DSE: variants seen among roughly 807,000 people sequenced by gnomAD.
DSE encodes the protein dermatan sulfate epimerase.
A neutral mutation model predicts 84.4 loss-of-function variants in DSE; 36 were observed. That is an observed-to-expected ratio of 0.43 (90% CI 0.33 to 0.56). The LOEUF (loss-of-function observed/expected upper bound fraction) is 0.56, where lower values mean the gene tolerates loss of function less well. Ranked by LOEUF, DSE falls within the 20% of genes least tolerant of loss-of-function variation. The pLI is 0.06. For synonymous variants in DSE, 410 were observed against 430.1 expected, an observed-to-expected ratio of 0.95 and a Z score of 0.58; for missense variants, 862 against 1,169.6, an observed-to-expected ratio of 0.74 and a Z score of 3.84.
intron 1 of DSE, among the ~76,000 whole-genome samples, chr6:116,398,186 G>A (rs1781374499): frequency 6.6e-6 from 1 of 152,156 alleles, no homozygotes; most frequent in African/African-American, 2.4e-5. Flanking sequence ...ACTTTCCTCT[G>A]AGGGATTTTC....
intron 2 of DSE, chr6:116,355,957 A>G (rs922657973): frequency 6.6e-6 from 1 of 152,350 alleles, no homozygotes; most frequent in Middle Eastern, 3.4e-3. Flanking sequence ...CACATACTAG[A>G]CAAAACATAG....
chr6:116,305,870 G>A (rs1045342217), intron 2 of DSE, among the ~76,000 whole-genome samples: 3 of 152,132 alleles, frequency 2.0e-5, no homozygotes, highest in Non-Finnish European at 2.9e-5. Flanking sequence ...TTGAACTCCT[G>A]ACCTCAGGTG....
intron 2 of DSE, among the ~76,000 whole-genome samples, chr6:116,331,998 A>G (rs1371658162): frequency 1.3e-5 from 2 of 150,374 alleles, no homozygotes; most frequent in African/African-American, 5.0e-5. Flanking sequence ...TGCTAAGACT[A>G]TATATATAAA....
At chr6:116,330,557 A>G (rs1776876860) in intron 2 of DSE, among the ~76,000 whole-genome samples, 1 of 152,232 alleles carries the variant, frequency 6.6e-6, no homozygotes, top group African/African-American at 2.4e-5. Context: ...CGATTTTGGT[A>G]ATAACTATTT....
intron 2 of DSE, among the ~76,000 whole-genome samples, chr6:116,403,462 G>A (rs867787561): frequency 6.6e-6 from 1 of 151,218 alleles, no homozygotes; most frequent in Non-Finnish European, 1.5e-5. Flanking sequence ...AAAAATATCA[G>A]CAATAAAGTT....
intron 1 of DSE, 74 bp downstream of exon 1, chr6:116,371,195 C>G: frequency 1.0e-6 from 1 of 985,312 alleles, no homozygotes; most frequent in Non-Finnish European, 1.2e-6. Flanking sequence ...GGGCGGGTAG[C>G]CTTCGGGGCT....
chr6:116,342,281 G>A (rs199972104), intron 2 of DSE, among the ~76,000 whole-genome samples: 3 of 133,662 alleles, frequency 2.2e-5, no homozygotes, highest in Non-Finnish European at 3.1e-5. Flanking sequence ...TATTGTTGCT[G>A]TTTTTTTTTT....
chr6:116,399,657 A>G lies in DSE; in HGVS notation c.407A>G (p.Gln136Arg). 1 of 1,611,906 alleles carries G rather than the reference A, an allele frequency of 6.2e-7. No homozygotes were observed. Among genetic ancestry groups the G allele is most frequent in the Non-Finnish European group, 8.5e-7 (1 of 1,178,368 alleles). The part of the protein sequence containing the change: ...AKDYMERMAA[Q>R]PSWLVKDAPW... ...GACTACATGGAGAGGATGGCAGCGCAGCCTAGTTGGTAGATTTTTGTCTTG... is the reference window on the plus strand; with the variant it reads ...GACTACATGGAGAGGATGGCAGCGCGGCCTAGTTGGTAGATTTTTGTCTTG... The change falls in exon 2 of 6, where the codon CAG (glutamine) becomes CGG (arginine). Residue 136 changes from glutamine to arginine, a missense_variant. Physicochemically the swap from Gln to Arg is conservative, Grantham distance 43 (BLOSUM62 1). Around this residue, in one of 4 missense-constraint regions of DSE, gnomAD observed 309 missense variants for 516.9 expected, o/e 0.60. Coordinates refer to ENST00000644252, the MANE Select transcript of DSE (RefSeq NM_013352.4).
chr6:116,314,426 CATT>C (rs780015429), intron 2 of DSE, among the ~76,000 whole-genome samples: 8 of 152,142 alleles, frequency 5.3e-5, no homozygotes, highest in Admixed American at 6.5e-5. Flanking sequence ...CCCAAACAAA[CATT>C]AGTCATTCTG....
chr6:116,430,541 A>G (rs1398944071), intron 3 of DSE, among the ~76,000 whole-genome samples: 2 of 152,138 alleles, frequency 1.3e-5, no homozygotes, highest in East Asian at 1.9e-4. Flanking sequence ...TTATAGAGTC[A>G]ATAACTTTTT....
At chr6:116,337,776 A>G (rs941352890) in intron 2 of DSE, among the ~76,000 whole-genome samples, 1 of 149,778 alleles carries the variant, frequency 6.7e-6, no homozygotes, top group East Asian at 2.0e-4. Context: ...GAGTTCAGAT[A>G]TGTTACAGTA....
rs6900940 is a variant in DSE at position 116,261,327 on chromosome 6, A to G, written c.-54+2360A>G. ...ACCGCAAGCTCTGCCTCCCAGGTTC[A>G]CGCCACTCTCCTGCCTCAGCCTCCC... is the stretch of plus-strand genomic sequence containing the variant. On this transcript the variant is annotated intron_variant, in intron 2 of 3. Transcript: ENST00000430252. Among the ~76,000 whole-genome samples the G allele has an allele frequency of 6.1e-3, 926 of 152,116 alleles. 9 individuals carry two copies. Among genetic ancestry groups the G allele is most frequent in the African/African-American group, 0.021 (883 of 41,498 alleles).
At chr6:116,273,834 GTTTT>G (rs35845513) in intron 2 of DSE, among the ~76,000 whole-genome samples, 1 of 136,944 alleles carries the variant, frequency 7.3e-6, no homozygotes. Context: ...ATGTTTTTTT[GTTTT>G]TTTTTTTTTT....
intron 2 of DSE, among the ~76,000 whole-genome samples, chr6:116,425,646 G>A (rs1250128487): frequency 2.2e-5 from 3 of 137,784 alleles, no homozygotes; most frequent in East Asian, 2.0e-4. Flanking sequence ...TTTTTGAGAC[G>A]GAGTCTCGCT....
chr6:116,343,592 T>C (rs1777756975), intron 2 of DSE, among the ~76,000 whole-genome samples: 1 of 152,108 alleles, frequency 6.6e-6, no homozygotes, highest in Admixed American at 6.5e-5. Context: ...TCCTGACTGT[T>C]AGAAGGAAAA....
intron 2 of DSE, among the ~76,000 whole-genome samples, chr6:116,280,897 A>C (rs534758308): frequency 3.9e-5 from 6 of 152,366 alleles, no homozygotes; most frequent in South Asian, 2.1e-4. Context: ...GGTGGACTCA[A>C]GGTATAAAAG....
At position 116,440,936 on chromosome 6, in the gene DSE, G is replaced by C. The variant is rs514272; in HGVS notation, c.*3591G>C. ...GGGGGGCCTGATCCTTTCCCTGTTC[G>C]CTGTGTATTCCCTGTCTGTGGCAAA... On this transcript the variant is annotated 3_prime_UTR_variant, in exon 6 of 6. Coordinates refer to ENST00000644252, the MANE Select transcript of DSE (RefSeq NM_013352.4). The C allele has an allele frequency of 0.74, 113,177 of 152,132 alleles. 42,599 individuals carry two copies. The highest frequency in any genetic ancestry group is 0.81 in the African/African-American group (33,496 of 41,516). 9.4% of individuals were successfully genotyped at this position (152,132 alleles called of 1,614,324 possible).
chr6:116,427,691 T>TC (rs1234517957), intron 3 of DSE, among the ~76,000 whole-genome samples: 1 of 152,228 alleles, frequency 6.6e-6, no homozygotes, highest in East Asian at 1.9e-4. Flanking sequence ...CATATTTTAT[T>TC]CAATTCTCAC....
chr6:116,349,652 T>C (rs1054675781), intron 2 of DSE, among the ~76,000 whole-genome samples: 8 of 152,174 alleles, frequency 5.3e-5, no homozygotes, highest in African/African-American at 1.9e-4. Flanking sequence ...TCACTCCAGA[T>C]TGAGTGAGCT....
Sources: allele counts gnomAD v4.1 joint callset (sites outside exome capture counted in the v4.1 genomes callset), GRCh38; gene constraint gnomAD v4.1.1; regional missense constraint gnomAD v4.1.1; transcripts MANE v1.5; gene names NCBI Gene and HGNC (gene_info 2026-07-23, HGNC 2026-07-21).